The following MAPKAP1 variants were observed in gnomAD, a reference collection of about 807,000 sequenced individuals.
The protein encoded by MAPKAP1 is target of rapamycin complex 2 subunit MAPKAP1.
In MAPKAP1, 20 loss-of-function variants were observed where a neutral mutation model predicts 65.7. The ratio of observed to expected loss-of-function variants is 0.30; its 90% CI spans 0.21 to 0.44. The LOEUF (loss-of-function observed/expected upper bound fraction) is 0.44. Ranked by LOEUF, MAPKAP1 falls within the 20% of genes least tolerant of loss-of-function variation. The pLI is 1.00. For missense variants in MAPKAP1, 423 were observed against 648.0 expected, an observed-to-expected ratio of 0.65 and a Z score of 3.77; for synonymous variants, 222 against 244.3, an observed-to-expected ratio of 0.91 and a Z score of 0.85.
intron 1 of MAPKAP1, among the ~76,000 whole-genome samples, chr9:125,690,045 G>A (rs886480797): frequency 4.0e-5 from 6 of 150,962 alleles, no homozygotes; most frequent in Non-Finnish European, 5.9e-5. Context: ...CCTAGATTGC[G>A]CCATTGCACT....
chr9:125,470,338 C>T (rs1853857940), intron 9 of MAPKAP1, among the ~76,000 whole-genome samples: 1 of 152,136 alleles, frequency 6.6e-6, no homozygotes, highest in Non-Finnish European at 1.5e-5. Flanking sequence ...GTTCTGGGCT[C>T]CCATGTATAT....
intron 10 of MAPKAP1, among the ~76,000 whole-genome samples, chr9:125,446,466 G>C (rs1375601549): frequency 6.6e-6 from 1 of 152,142 alleles, no homozygotes; most frequent in East Asian, 1.9e-4. Flanking sequence ...AGAGGCATCT[G>C]TGTGTGCGTC....
intron 7 of MAPKAP1, among the ~76,000 whole-genome samples, chr9:125,508,863 T>C (rs576817933): frequency 2.6e-5 from 4 of 152,068 alleles, no homozygotes; most frequent in Non-Finnish European, 5.9e-5. Context: ...AGCCCAAATT[T>C]AGGAACAACC....
chr9:125,702,860 GA>G lies in MAPKAP1; in HGVS notation c.-70+4110del, dbSNP rs368970539. 4.8e-3 allele frequency among the ~76,000 whole-genome samples: 609 copies of G among 125,620 alleles called. 2 individuals are homozygous for G. Among genetic ancestry groups the G allele is most frequent in the African/African-American group, 7.6e-3 (260 of 34,304 alleles). 82.4% of individuals were successfully genotyped at this position (125,620 alleles called of 152,430 possible). ...AGAGCGAGACTTTGTCTCAAAAAAA[GA>G]AAAAAAAAAAAAACTAGCTACACAT... On this transcript the variant is annotated intron_variant, in intron 1 of 11. Transcript: ENST00000265960.
intron 6 of MAPKAP1, among the ~76,000 whole-genome samples, chr9:125,558,416 G>C (rs77857947): frequency 2.6e-5 from 4 of 152,092 alleles, no homozygotes; most frequent in African/African-American, 9.7e-5. Context: ...CACCATGAAA[G>C]CCTGAGGGCC....
At chr9:125,502,109 T>C (rs1187294366) in intron 8 of MAPKAP1, among the ~76,000 whole-genome samples, 1 of 152,074 alleles carries the variant, frequency 6.6e-6, no homozygotes, top group African/African-American at 2.4e-5. Flanking sequence ...TTCTTTTTTT[T>C]TTTTCTGTTT....
intron 1 of MAPKAP1, among the ~76,000 whole-genome samples, chr9:125,702,858 A>G (rs1160638775): frequency 6.6e-6 from 1 of 151,938 alleles, no homozygotes; most frequent in Non-Finnish European, 1.5e-5. Flanking sequence ...GTCTCAAAAA[A>G]AGAAAAAAAA....
intron 3 of MAPKAP1, among the ~76,000 whole-genome samples, chr9:125,665,430 G>GA (rs1330639185): frequency 9.2e-5 from 14 of 152,086 alleles, no homozygotes; most frequent in Admixed American, 5.2e-4. Context: ...TTACCCTTAA[G>GA]AAAGTTCTTT....
chr9:125,662,449 C>T (rs1376750164), intron 3 of MAPKAP1, among the ~76,000 whole-genome samples: 2 of 152,236 alleles, frequency 1.3e-5, no homozygotes, highest in African/African-American at 2.4e-5. Flanking sequence ...TTTGGGAGGC[C>T]GAGGTGGGTG....
intron 1 of MAPKAP1, among the ~76,000 whole-genome samples, chr9:125,694,920 G>C (rs990228172): frequency 6.6e-6 from 1 of 152,342 alleles, no homozygotes; most frequent in Admixed American, 6.5e-5. Context: ...ATAAATGACA[G>C]AGGTCTGTCA....
chr9:125,536,607 G>T (rs75600903), intron 7 of MAPKAP1, among the ~76,000 whole-genome samples: 1 of 42,568 alleles, frequency 2.3e-5, no homozygotes, highest in African/African-American at 5.7e-5. Context: ...CATTCATTCA[G>T]TGTTTATTCT....
intron 4 of MAPKAP1, among the ~76,000 whole-genome samples, chr9:125,586,510 G>GT (rs879664487): frequency 0.05 from 7,314 of 145,166 alleles, 552 homozygotes; most frequent in African/African-American, 0.17. Context: ...CTTTGTTGTT[G>GT]TTTTTTTTTT....
chr9:125,510,941 A>T (rs555443385), intron 7 of MAPKAP1, among the ~76,000 whole-genome samples: 6 of 152,122 alleles, frequency 3.9e-5, no homozygotes, highest in Non-Finnish European at 7.4e-5. Context: ...TAAGGGCATA[A>T]ACTTGGGGCC....
chr9:125,687,565 C>T (rs558925761), intron 1 of MAPKAP1, among the ~76,000 whole-genome samples: 14 of 149,530 alleles, frequency 9.4e-5, no homozygotes, highest in South Asian at 4.2e-4. Flanking sequence ...TCACTTAAGG[C>T]GGGGAGTTTG....
intron 4 of MAPKAP1, among the ~76,000 whole-genome samples, chr9:125,597,191 GGAGGT>G (rs1832158548): frequency 6.9e-6 from 1 of 145,202 alleles, no homozygotes; most frequent in African/African-American, 2.5e-5. Context: ...CGTGAACCCA[GGAGGT>G]GGAGCTTGCA....
In MAPKAP1 at chr9:125,657,596, C is replaced by T. The variant is rs1049913593; in HGVS notation, c.498+55G>A. 20 of 1,455,718 alleles carry T rather than the reference C, an allele frequency of 1.4e-5. No individual in the cohort carries two copies. In the Admixed American group the frequency reaches 2.3e-4, roughly 17 times the overall value. The allele number at this position is 1,455,718 out of a possible 1,614,324, so 90.2% of individuals were successfully genotyped here. A position where few individuals can be genotyped will look rare whatever the true frequency, so the allele number is the denominator to read the frequency against. On this transcript the variant is annotated intron_variant, in intron 4 of 11. Coordinates refer to ENST00000265960, the MANE Select transcript of MAPKAP1 (RefSeq NM_001006617.3). ...CTAAATCTAATAATAATACCAACAA[C>T]AACTCCACTCAATTACAGTTTTACT...
intron 4 of MAPKAP1, among the ~76,000 whole-genome samples, chr9:125,639,470 A>T (rs752547945): frequency 1.9e-4 from 29 of 152,232 alleles, no homozygotes; most frequent in Non-Finnish European, 4.1e-4. Flanking sequence ...CCTGGCACAT[A>T]GCTAATTCTC....
intron 4 of MAPKAP1, among the ~76,000 whole-genome samples, chr9:125,621,424 G>A (rs946368343): frequency 6.6e-6 from 1 of 152,072 alleles, no homozygotes; most frequent in African/African-American, 2.4e-5. Context: ...TGAGAAAACA[G>A]GTACAGAGAA....
intron 4 of MAPKAP1, among the ~76,000 whole-genome samples, chr9:125,620,608 T>A (rs1158547826): frequency 6.6e-6 from 1 of 152,138 alleles, no homozygotes; most frequent in Non-Finnish European, 1.5e-5. Flanking sequence ...ACAAGTCAAG[T>A]CTTCACCGAC....
Sources: gnomAD v4.1 joint callset for allele counts (sites outside exome capture counted in the v4.1 genomes callset) on GRCh38, gnomAD v4.1.1 for gene constraint, MANE v1.5 for transcripts, NCBI Gene and HGNC (gene_info 2026-07-23, HGNC 2026-07-21) for gene names.